The following ABCA5 variants were observed in gnomAD, a reference collection of about 807,000 sequenced individuals.
The protein encoded by ABCA5 is cholesterol transporter ABCA5.
Under a neutral mutation model 206.0 loss-of-function variants are expected in ABCA5, and 163 were observed. That is an observed-to-expected ratio of 0.79 (90% CI 0.70 to 0.90). The LOEUF is 0.90. Among genes scored for constraint, ABCA5 ranks in the 40% least tolerant of loss-of-function variants. The pLI is 0.00. For synonymous variants in ABCA5, 609 were observed against 613.8 expected (o/e 0.99, Z 0.11); for missense variants, 1,859 against 1,912.9 (o/e 0.97, Z 0.53).
intron 1 of ABCA5, among the ~76,000 whole-genome samples, chr17:69,316,636 C>G (rs148633606): frequency 6.7e-6 from 1 of 148,336 alleles, no homozygotes; most frequent in African/African-American, 2.5e-5. Flanking sequence ...CTGAAAACTT[C>G]CAATTTAGCA....
Position 69,287,767 on chromosome 17 carries a change from T to C in ABCA5, c.1903-16A>G. On this transcript the variant is annotated splice_polypyrimidine_tract_variant and intron_variant, in intron 14 of 38. Transcript: ENST00000392676. ...GCAGCAGTATCTGTGTGAAAAGAGG[T>C]GAAGAAGGGCAGGGAATCCTCAGAA... 6.2e-7 allele frequency: 1 copy of C among 1,607,182 alleles called. No homozygotes were observed.
intron 31 of ABCA5, among the ~76,000 whole-genome samples, chr17:69,255,073 G>T (rs1249011025): frequency 6.6e-6 from 1 of 152,176 alleles, no homozygotes; most frequent in African/African-American, 2.4e-5. Context: ...AAAGAAAAGA[G>T]TATGCCTGGC....
Position 69,297,358 on chromosome 17 carries a change from C to G in ABCA5, c.1269G>C (p.Gly423=). Residue 423 remains glycine, a splice_region_variant and synonymous_variant, in exon 10 of 39, where the codon GGG becomes GGC. Coordinates refer to ENST00000392676, the MANE Select transcript of ABCA5 (RefSeq NM_172232.4). ...AAGATGATCTCCGTAAGCCAAATTC[C>G]CCTGAAAAATAAACATTAAAAAACT... ...LAVYLDQVIP[G]EFGLRRSSLY... The G allele has an allele frequency of 6.3e-7, 1 of 1,578,982 alleles. No homozygotes were observed. The highest frequency in any genetic ancestry group is 8.5e-7 in the Non-Finnish European group (1 of 1,170,104).
chr17:69,296,065 A>AT (rs953510202), intron 10 of ABCA5, among the ~76,000 whole-genome samples: 3 of 151,996 alleles, frequency 2.0e-5, no homozygotes, highest in South Asian at 2.1e-4. Flanking sequence ...CAATTTATGG[A>AT]TTTTTTTTCA....
At chr17:69,303,057 T>C (rs2075668722) in intron 7 of ABCA5, 151 bp from the exon 8 acceptor site, 1 of 479,202 alleles carries the variant, frequency 2.1e-6, no homozygotes, top group Non-Finnish European at 3.7e-6. Flanking sequence ...TGGTATTTTA[T>C]TTTCAAACAA....
chr17:69,255,156 C>T (rs1404926089), intron 31 of ABCA5, among the ~76,000 whole-genome samples: 1 of 152,062 alleles, frequency 6.6e-6, no homozygotes, highest in South Asian at 2.1e-4. Context: ...GAAATGGGAT[C>T]AGGGTAGTTT....
intron 26 of ABCA5, 135 bp downstream of exon 26, chr17:69,260,990 A>C: frequency 1.4e-6 from 1 of 691,790 alleles, no homozygotes; most frequent in South Asian, 2.5e-5. Context: ...TTTATGCTGC[A>C]TTAATAATAT....
At chr17:69,288,719 GAAGAAAGAAAGAAAGAAAGA>G (rs147123123) in intron 14 of ABCA5, among the ~76,000 whole-genome samples, 1 of 145,186 alleles carries the variant, frequency 6.9e-6, no homozygotes, top group Non-Finnish European at 1.5e-5. Flanking sequence ...AAAAAAAAAA[GAAGAAAGAAAGAAAGAAAGA>G]AAGAAAGAAA....
intron 1 of ABCA5, among the ~76,000 whole-genome samples, chr17:69,318,090 A>G (rs1378366295): frequency 6.7e-6 from 1 of 148,906 alleles, no homozygotes; most frequent in African/African-American, 2.5e-5. Context: ...AAGACTGTCT[A>G]CACCTAAATA....
chr17:69,289,374 T>C (rs878977241), intron 13 of ABCA5, 78 bp from the exon 14 acceptor site: 2 of 1,140,284 alleles, frequency 1.8e-6, no homozygotes, highest in South Asian at 2.7e-5. Flanking sequence ...TTTTTAAATA[T>C]TTTAAGTTTT....
chr17:69,274,222 T>C lies in ABCA5; in HGVS notation c.2595-94A>G, dbSNP rs2075305921. ...TCTCCCTTCACATTGATATGGACTT[T>C]TTTTGTTTTTATTTGAGACAGGGTC... On this transcript the variant is annotated intron_variant, in intron 19 of 38. Coordinates refer to ENST00000392676, the MANE Select transcript of ABCA5 (RefSeq NM_172232.4). 5 of 1,252,400 alleles carry C rather than the reference T, an allele frequency of 4.0e-6. No homozygotes were observed. In the East Asian group the frequency reaches 7.5e-5, roughly 19 times the overall value. The allele number at this position is 1,252,400 out of a possible 1,614,324, so 77.6% of individuals were successfully genotyped here.
At chr17:69,272,891 G>A (rs1017137379) in intron 20 of ABCA5, among the ~76,000 whole-genome samples, 3 of 152,140 alleles carry the variant, frequency 2.0e-5, no homozygotes, top group African/African-American at 7.2e-5. Context: ...ACTGGGCAAA[G>A]TCTTTTTTGA....
rs1448048163 is a variant in ABCA5 at position 69,303,802 on chromosome 17, A to G, written c.930+867T>C. ...AAAAAAAAAATATATATATATATAT[A>G]TATATACATACATATATATATATGT... On this transcript the variant is annotated intron_variant, in intron 7 of 38. Transcript: ENST00000392676. 1.3e-3 allele frequency among the ~76,000 whole-genome samples: 10 copies of G among 7,514 alleles called. 1 individual carries two copies. The highest frequency in any genetic ancestry group is 0.2 in the East Asian group (2 of 10). The allele number at this position is 7,514 out of a possible 152,430, so 4.9% of individuals were successfully genotyped here. A position where few individuals can be genotyped will look rare whatever the true frequency, so the allele number is the denominator to read the frequency against.
intron 28 of ABCA5, among the ~76,000 whole-genome samples, chr17:69,257,981 T>G (rs2075102337): frequency 6.6e-6 from 1 of 151,936 alleles, no homozygotes; most frequent in African/African-American, 2.4e-5. Context: ...CTGAGATAAA[T>G]GACAAGATTA....
intron 10 of ABCA5, among the ~76,000 whole-genome samples, chr17:69,295,841 A>C (rs1283045838): frequency 6.6e-6 from 1 of 152,180 alleles, no homozygotes; most frequent in East Asian, 1.9e-4. Context: ...AATTGTTACA[A>C]ATCTCCAAAA....
In ABCA5 at chr17:69,302,903, A is replaced by T; in HGVS notation, c.934T>A (p.Phe312Ile). 1 of 1,482,492 alleles carries T rather than the reference A, an allele frequency of 6.7e-7. No homozygotes were observed. The allele number at this position is 1,482,492 out of a possible 1,614,324, so 91.8% of individuals were successfully genotyped here. A position where few individuals can be genotyped will look rare whatever the true frequency, so the allele number is the denominator to read the frequency against. ...AGAGGTGTCAGCATTAAAGCAAAAA[A>T]TACCTATAAAATACAAATATTAAGG... Reference protein sequence around the residue: ...LFFLYGLSSVFFALMLTPLFK... With the variant: ...LFFLYGLSSVIFALMLTPLFK... The change falls in exon 8 of 39, where the codon TTT becomes ATT. Residue 312 changes from phenylalanine to isoleucine, a missense_variant. Transcript: ENST00000392676.
In ABCA5 at chr17:69,274,025, A is replaced by G. The variant is rs555345269; in HGVS notation, c.2698T>C (p.Tyr900His). Reference sequence around the variant, plus strand: ...GGTTTGTCTCCAGGTTTTAGAAAATATAAGTCTGGAACAAGTTTGATGGGA... The same window carrying G: ...GGTTTGTCTCCAGGTTTTAGAAAATGTAAGTCTGGAACAAGTTTGATGGGA... ...VVPIKLVPDL[Y>H]FLKPGDKPHK... Residue 900 changes from tyrosine to histidine, a missense_variant, in exon 20 of 39, where the codon TAT (tyrosine) becomes CAT (histidine). Coordinates refer to ENST00000392676, the MANE Select transcript of ABCA5 (RefSeq NM_172232.4). 289 of 1,612,366 alleles carry G rather than the reference A, an allele frequency of 1.8e-4. 8 individuals carry two copies. In the South Asian group the frequency reaches 2.5e-3, roughly 14 times the overall value.
intron 11 of ABCA5, among the ~76,000 whole-genome samples, chr17:69,293,875 T>TGTGTGTGTGTGC: frequency 8.8e-6 from 1 of 114,164 alleles, no homozygotes; most frequent in East Asian, 5.9e-4. Flanking sequence ...TGTGTGTGCG[T>TGTGTGTGTGTGC]GTGTGTGTGT....
chr17:69,289,780 G>A, intron 13 of ABCA5, 82 bp downstream of exon 13: 1 of 1,083,666 alleles, frequency 9.2e-7, no homozygotes, highest in Non-Finnish European at 1.3e-6. Flanking sequence ...AGATTTTCAA[G>A]CATATTTTTA....
Sources: allele counts gnomAD v4.1 joint callset (sites outside exome capture counted in the v4.1 genomes callset), GRCh38; gene constraint gnomAD v4.1.1; transcripts MANE v1.5; gene names NCBI Gene and HGNC (gene_info 2026-07-23, HGNC 2026-07-21).